FGF12: variants seen among roughly 807,000 people sequenced by gnomAD.
FGF12 encodes fibroblast growth factor 12B.
In FGF12, 14 loss-of-function variants were observed where a neutral mutation model predicts 23.6. The observed-to-expected ratio is 0.59, with a 90% CI of 0.39 to 0.93. FGF12 has a LOEUF of 0.93. Ranked by LOEUF, FGF12 falls within the 40% of genes least tolerant of loss-of-function variation. The pLI is 0.00. For synonymous variants in FGF12, 62 were observed against 77.3 expected (o/e 0.80, Z 1.04); for missense variants, 175 against 217.8 (o/e 0.80, Z 1.24).
chr3:192,229,163 A>AT (rs752221605), intron 4 of FGF12, among the ~76,000 whole-genome samples: 1 of 148,382 alleles, frequency 6.7e-6, no homozygotes, highest in Non-Finnish European at 1.5e-5. Context: ...AGTGAATAAA[A>AT]TTTTAAAAAA....
Position 192,146,274 on chromosome 3 carries a change from T to A in FGF12, c.428-2147A>T, listed in dbSNP as rs73191563. On this transcript the variant is annotated intron_variant, in intron 5 of 5. Coordinates refer to ENST00000445105, the MANE Select transcript of FGF12 (RefSeq NM_004113.6). ...TTCTAATTTTCATTAAAGTGTATAT[T>A]TTTTTTTTTTTTTTGAGACGGAGTC... Among the ~76,000 whole-genome samples, 107 of 34,214 alleles carry A rather than the reference T, an allele frequency of 3.1e-3. 2 individuals carry two copies. The highest frequency in any genetic ancestry group is 4.3e-3 in the East Asian group (11 of 2,562). The allele number at this position is 34,214 out of a possible 152,430, so 22.4% of individuals were successfully genotyped here.
chr3:192,659,500 C>A (rs1051143749), intron 2 of FGF12, among the ~76,000 whole-genome samples: 2 of 152,118 alleles, frequency 1.3e-5, no homozygotes, highest in East Asian at 3.8e-4. Flanking sequence ...AATCTTACAT[C>A]CCCCTTCCCA....
In FGF12 at chr3:192,683,801, A is replaced by G. The variant is rs1043321897; in HGVS notation, c.13+43380T>C. 4.6e-5 allele frequency among the ~76,000 whole-genome samples: 7 copies of G among 152,348 alleles called. No individual in the cohort carries two copies. The East Asian group carries it at 1.2e-3, about 25-fold the overall frequency. ...TTCTTTCTTTCCTTCCTAAAGGCAC[A>G]GGCAACAGAATTGAAATCACTGATG... On this transcript the variant is annotated intron_variant, in intron 2 of 5. Transcript: ENST00000445105.
chr3:192,313,971 A>C (rs1716095256), intron 4 of FGF12, among the ~76,000 whole-genome samples: 1 of 152,220 alleles, frequency 6.6e-6, no homozygotes, highest in Non-Finnish European at 1.5e-5. Flanking sequence ...AGGTCATAAG[A>C]GTAAAGTCCT....
At chr3:192,240,747 C>A (rs79609267) in intron 4 of FGF12, among the ~76,000 whole-genome samples, 1 of 152,120 alleles carries the variant, frequency 6.6e-6, no homozygotes, top group African/African-American at 2.4e-5. Context: ...ATATCTCCCC[C>A]CAATTTCTCA....
chr3:192,710,972 A>G (rs1349988840), intron 2 of FGF12, among the ~76,000 whole-genome samples: 2 of 152,186 alleles, frequency 1.3e-5, no homozygotes, highest in Non-Finnish European at 2.9e-5. Context: ...GGACCTCAGG[A>G]GCTCCACAGT....
chr3:192,476,042 C>T (rs190553007), intron 2 of FGF12, among the ~76,000 whole-genome samples: 2 of 152,090 alleles, frequency 1.3e-5, no homozygotes, highest in East Asian at 3.9e-4. Flanking sequence ...CTTCCCAAAC[C>T]ATCATCAAAC....
At chr3:192,450,859 A>G (rs542219549) in intron 2 of FGF12, among the ~76,000 whole-genome samples, 143 of 152,310 alleles carry the variant, frequency 9.4e-4, no homozygotes, top group African/African-American at 3.1e-3. Flanking sequence ...CAGTTGCCAG[A>G]ACCCTTTTCC....
chr3:192,374,528 A>G (rs72607879), intron 2 of FGF12, among the ~76,000 whole-genome samples: 19,197 of 152,232 alleles, frequency 0.13, 1,630 homozygotes, highest in East Asian at 0.43. Context: ...AGTTTTATTA[A>G]TTTGAATTAT....
At chr3:192,352,253 G>T (rs907031064) in intron 3 of FGF12, among the ~76,000 whole-genome samples, 1 of 152,148 alleles carries the variant, frequency 6.6e-6, no homozygotes, top group Admixed American at 6.5e-5. Flanking sequence ...CACAGTCCCA[G>T]AACAGAGATT....
chr3:192,698,977 T>C (rs62294811), intron 2 of FGF12, among the ~76,000 whole-genome samples: 4,559 of 152,298 alleles, frequency 0.03, 103 homozygotes, highest in Middle Eastern at 0.044. Context: ...CGTATGTTAA[T>C]GCTTTAAAGA....
At chr3:192,576,656 A>G (rs1474586170) in intron 2 of FGF12, among the ~76,000 whole-genome samples, 2 of 152,188 alleles carry the variant, frequency 1.3e-5, no homozygotes, top group African/African-American at 2.4e-5. Context: ...GGTATGGAAA[A>G]AAAATGCTCA....
At chr3:192,465,857 C>G (rs1357671402) in intron 2 of FGF12, among the ~76,000 whole-genome samples, 4 of 152,182 alleles carry the variant, frequency 2.6e-5, no homozygotes, top group Non-Finnish European at 5.9e-5. Context: ...CAGAAAACAT[C>G]AGAAGCCTCC....
intron 2 of FGF12, among the ~76,000 whole-genome samples, chr3:192,568,328 T>G (rs1005607612): frequency 1.3e-5 from 2 of 152,220 alleles, no homozygotes. Flanking sequence ...CTCTTGTGAC[T>G]GTACTTCCTC....
chr3:192,650,185 A>T lies in FGF12; in HGVS notation c.13+76996T>A, dbSNP rs188459775. Among the ~76,000 whole-genome samples, 9 of 151,968 alleles carry T rather than the reference A, an allele frequency of 5.9e-5. No homozygotes were observed. In the East Asian group the frequency reaches 1.7e-3, roughly 29 times the overall value. ...GTCTCTAAAATTACACATACTCCAAACTCCTTTTTGCCTGCAGAATACTTT... is the reference window on the plus strand; with the variant it reads ...GTCTCTAAAATTACACATACTCCAATCTCCTTTTTGCCTGCAGAATACTTT... On this transcript the variant is annotated intron_variant, in intron 2 of 5. Transcript: ENST00000445105.
intron 2 of FGF12, among the ~76,000 whole-genome samples, chr3:192,569,517 T>A (rs1025898485): frequency 1.3e-5 from 2 of 152,260 alleles, no homozygotes; most frequent in African/African-American, 4.8e-5. Flanking sequence ...TGTGCTTACA[T>A]TTCTTTTGCC....
chr3:192,183,022 A>G (rs1716265914), intron 4 of FGF12, among the ~76,000 whole-genome samples: 1 of 152,200 alleles, frequency 6.6e-6, no homozygotes, highest in African/African-American at 2.4e-5. Context: ...CCTGCAGGTG[A>G]TTACAATGCT....
Position 192,635,396 on chromosome 3 carries a change from T to C in FGF12, c.13+91785A>G, listed in dbSNP as rs548578725. Among the ~76,000 whole-genome samples, 165 of 152,330 alleles carry C rather than the reference T, an allele frequency of 1.1e-3. 2 individuals carry two copies. The highest frequency in any genetic ancestry group is 3.4e-3 in the Middle Eastern group (1 of 294). On this transcript the variant is annotated intron_variant, in intron 2 of 5. Coordinates refer to ENST00000445105, the MANE Select transcript of FGF12 (RefSeq NM_004113.6). ...AAATCCCTACATATACACATGTACA[T>C]TTTGATGCTAGAATTGATACATATA...
intron 4 of FGF12, among the ~76,000 whole-genome samples, chr3:192,217,367 A>G (rs1170730659): frequency 2.0e-5 from 3 of 152,148 alleles, no homozygotes; most frequent in African/African-American, 4.8e-5. Flanking sequence ...TTCAGTTTGA[A>G]TCTCCACTCT....
Sources: gnomAD v4.1 joint callset for allele counts (sites outside exome capture counted in the v4.1 genomes callset) on GRCh38, gnomAD v4.1.1 for gene constraint, MANE v1.5 for transcripts, NCBI Gene and HGNC (gene_info 2026-07-23, HGNC 2026-07-21) for gene names.